ARFGAP3: variants seen among roughly 807,000 people sequenced by gnomAD.
ARFGAP3 encodes the protein ADP-ribosylation factor GTPase-activating protein 3.
In ARFGAP3, 72 loss-of-function variants were observed where a neutral mutation model predicts 75.0. The ratio of observed to expected loss-of-function variants is 0.96; its 90% CI spans 0.79 to 1.17. The LOEUF is 1.17. Ranked by LOEUF, ARFGAP3 falls within the 50% of genes most tolerant of loss-of-function variation. The pLI, the probability that ARFGAP3 is intolerant of heterozygous loss-of-function variation, is 0.00. For synonymous variants in ARFGAP3, 221 were observed against 217.9 expected (o/e 1.01, Z -0.13); for missense variants, 620 against 626.6 (o/e 0.99, Z 0.11).
chr22:42,839,480 C>T (rs1926683748), intron 3 of ARFGAP3, among the ~76,000 whole-genome samples: 1 of 151,776 alleles, frequency 6.6e-6, no homozygotes, highest in Admixed American at 6.6e-5. Flanking sequence ...CACCTGTAGT[C>T]CCAGCTACTC....
At chr22:42,813,931 C>T (rs188593709) in intron 11 of ARFGAP3, among the ~76,000 whole-genome samples, 88 of 152,262 alleles carry the variant, frequency 5.8e-4, no homozygotes, top group Non-Finnish European at 8.1e-4. Context: ...TATTTTTCCC[C>T]TCCCACTCTG....
At chr22:42,823,739 G>A in intron 7 of ARFGAP3, 37 bp from the exon 8 acceptor site, 1 of 1,477,182 alleles carries the variant, frequency 6.8e-7, no homozygotes, top group African/African-American at 1.4e-5. Context: ...AAGACCAATA[G>A]AAATAATTTT....
rs1226482878 is a variant in ARFGAP3 at position 42,817,751 on chromosome 22, T to C, written c.919A>G (p.Met307Val). ...KKNVDSDRLG[M>V]GFGNCRSVIS... ...TACCTTCTGCAATTTCCAAATCCCA[T>C]GCCGAGTCTGTCTGAGTCAACATTT... is the stretch of plus-strand genomic sequence containing the variant. The change falls in exon 10 of 16, where the codon ATG becomes GTG. Residue 307 changes from methionine to valine, a missense_variant. Transcript: ENST00000263245. The C allele has an allele frequency of 6.2e-7, 1 of 1,613,194 alleles. No individual in the cohort carries two copies. The highest frequency in any genetic ancestry group is 8.5e-7 in the Non-Finnish European group (1 of 1,179,638).
At chr22:42,815,764 C>A (rs1925550629) in intron 11 of ARFGAP3, among the ~76,000 whole-genome samples, 1 of 152,166 alleles carries the variant, frequency 6.6e-6, no homozygotes, top group South Asian at 2.1e-4. Context: ...TTTTCATGAA[C>A]TGCTAACCCA....
intron 8 of ARFGAP3, among the ~76,000 whole-genome samples, chr22:42,822,781 T>C (rs1925869057): frequency 6.6e-6 from 1 of 152,192 alleles, no homozygotes; most frequent in Non-Finnish European, 1.5e-5. Context: ...TTATTTGTAT[T>C]GTTTTTACTG....
At chr22:42,804,886 A>G (rs1441449303) in intron 14 of ARFGAP3, among the ~76,000 whole-genome samples, 1 of 151,662 alleles carries the variant, frequency 6.6e-6, no homozygotes, top group Non-Finnish European at 1.5e-5. Context: ...TAAAGACAAA[A>G]TAAAAGAAAA....
At position 42,846,847 on chromosome 22, in the gene ARFGAP3, T is replaced by C. The variant is rs115098686; in HGVS notation, c.188+667A>G. Among the ~76,000 whole-genome samples, 199 of 152,352 alleles carry C rather than the reference T, an allele frequency of 1.3e-3. 2 individuals are homozygous for C. The highest frequency in any genetic ancestry group is 4.6e-3 in the African/African-American group (191 of 41,590). ...GAAGATGATTGACATAAATCGGTTTTTCATTGCTTGTAACAGAATTCCTGA... is the reference window on the plus strand; with the variant it reads ...GAAGATGATTGACATAAATCGGTTTCTCATTGCTTGTAACAGAATTCCTGA... On this transcript the variant is annotated intron_variant, in intron 2 of 15. Coordinates refer to ENST00000263245, the MANE Select transcript of ARFGAP3 (RefSeq NM_014570.5).
chr22:42,810,299 A>G (rs184678260), intron 12 of ARFGAP3, among the ~76,000 whole-genome samples: 1 of 152,048 alleles, frequency 6.6e-6, no homozygotes, highest in Admixed American at 6.6e-5. Flanking sequence ...AACCGTCTCT[A>G]CTAAAAGTAC....
At chr22:42,834,428 G>A (rs1330475924) in intron 4 of ARFGAP3, 103 bp from the exon 5 acceptor site, 10 of 1,516,028 alleles carry the variant, frequency 6.6e-6, no homozygotes, top group Non-Finnish European at 7.1e-6. Context: ...CTAAAGATTG[G>A]TGCTTTCCAT....
intron 1 of ARFGAP3, among the ~76,000 whole-genome samples, chr22:42,854,434 G>A (rs765333803): frequency 3.3e-5 from 5 of 152,164 alleles, no homozygotes; most frequent in Non-Finnish European, 7.4e-5. Flanking sequence ...AGACCAGCCT[G>A]GCCAATATGG....
In ARFGAP3 at chr22:42,810,914, G is replaced by A. The variant is rs746912031; in HGVS notation, c.1095C>T (p.Ser365=). The A allele has an allele frequency of 3.7e-6, 6 of 1,614,056 alleles. No homozygotes were observed. In the South Asian group the frequency reaches 6.6e-5, roughly 18 times the overall value. ...TGTCATCCCAGCTAGAGAAAGAACTGCTCCTTAACTCCACTGGCTCGTCAA... is the reference window on the plus strand; with the variant it reads ...TGTCATCCCAGCTAGAGAAAGAACTACTCCTTAACTCCACTGGCTCGTCAA... ...SYFDEPVELR[S]SSFSSWDDSS... Residue 365 remains serine, a synonymous_variant, in exon 12 of 16, where the codon AGC becomes AGT. Coordinates refer to ENST00000263245, the MANE Select transcript of ARFGAP3 (RefSeq NM_014570.5).
At position 42,845,488 on chromosome 22, in the gene ARFGAP3, T is replaced by TG. The variant is rs1358111536; in HGVS notation, c.188+2025dup. 3.5e-5 allele frequency among the ~76,000 whole-genome samples: 5 copies of TG among 142,154 alleles called. No individual in the cohort carries two copies. The Admixed American group carries it at 3.8e-4, about 11-fold the overall frequency. The allele number at this position is 142,154 out of a possible 152,430, so 93.3% of individuals were successfully genotyped here. On this transcript the variant is annotated intron_variant, in intron 2 of 15. Coordinates refer to ENST00000263245, the MANE Select transcript of ARFGAP3 (RefSeq NM_014570.5). ...TTGAGGTGAGCCAAGATCGTGCCAC[T>TG]GCACCCCAGCCTGGGTGACAAAGCA...
At chr22:42,850,174 G>A (rs1254633426) in intron 1 of ARFGAP3, among the ~76,000 whole-genome samples, 2 of 152,012 alleles carry the variant, frequency 1.3e-5, no homozygotes, top group East Asian at 3.9e-4. Flanking sequence ...AATACACAGT[G>A]CTTGTTGTGG....
At chr22:42,799,927 G>A (rs900461674) in intron 14 of ARFGAP3, among the ~76,000 whole-genome samples, 7 of 152,192 alleles carry the variant, frequency 4.6e-5, no homozygotes, top group African/African-American at 1.2e-4. Flanking sequence ...TGCTAGGGCC[G>A]GTGTTAGTGG....
Position 42,857,212 on chromosome 22 carries a change from C to A in ARFGAP3, c.-30G>T. The A allele has an allele frequency of 6.7e-7, 1 of 1,503,604 alleles. No individual in the cohort carries two copies. The highest frequency in any genetic ancestry group is 8.9e-7 in the Non-Finnish European group (1 of 1,123,166). 93.1% of individuals were successfully genotyped at this position (1,503,604 alleles called of 1,614,324 possible). ...AGCTGTGAGCCGCGGCGCAGCTGGC[C>A]CAGCCAACCGGTAAGAGTCGACGAA... On this transcript the variant is annotated 5_prime_UTR_variant, in exon 1 of 16. Transcript: ENST00000263245.
chr22:42,802,575 G>A (rs1457102307), intron 14 of ARFGAP3, among the ~76,000 whole-genome samples: 1 of 150,448 alleles, frequency 6.6e-6, no homozygotes, highest in Non-Finnish European at 1.5e-5. Flanking sequence ...TTACAGGCGA[G>A]AGCCACCGCG....
chr22:42,812,046 T>G (rs369790688), intron 11 of ARFGAP3, among the ~76,000 whole-genome samples: 1 of 151,046 alleles, frequency 6.6e-6, no homozygotes, highest in African/African-American at 2.4e-5. Flanking sequence ...AATAAACAAA[T>G]AAAATAACCG....
At chr22:42,850,705 G>C (rs1283594108) in intron 1 of ARFGAP3, among the ~76,000 whole-genome samples, 1 of 151,744 alleles carries the variant, frequency 6.6e-6, no homozygotes, top group African/African-American at 2.4e-5. Context: ...CAATACAAGA[G>C]AGGAAACACG....
At chr22:42,797,742 G>A (rs557418527) in intron 15 of ARFGAP3, 137 bp from the exon 16 acceptor site, 1 of 1,575,824 alleles carries the variant, frequency 6.3e-7, no homozygotes. Flanking sequence ...CACCCCGAGG[G>A]TGTGCTCATC....
Sources: gnomAD v4.1 joint callset for allele counts (sites outside exome capture counted in the v4.1 genomes callset) on GRCh38, gnomAD v4.1.1 for gene constraint, MANE v1.5 for transcripts, NCBI Gene and HGNC (gene_info 2026-07-23, HGNC 2026-07-21) for gene names.